COL21A1: variants seen among roughly 807,000 people sequenced by gnomAD.
COL21A1 encodes the protein collagen alpha-1(XXI) chain.
In COL21A1, 149 loss-of-function variants were observed where a neutral mutation model predicts 137.9. The observed-to-expected ratio is 1.08, with a 90% CI of 0.95 to 1.24. COL21A1 has a LOEUF of 1.24. COL21A1 is among the 50% of genes most tolerant of loss of function. The probability of loss-of-function intolerance (pLI) is 0.00; values close to 1 mark genes in which losing one functional copy is unlikely to be tolerated. For missense variants in COL21A1, 1,167 were observed against 1,158.4 expected, an observed-to-expected ratio of 1.01 and a Z score of -0.11; for synonymous variants, 456 against 391.5, an observed-to-expected ratio of 1.16 and a Z score of -1.95.
chr6:56,104,731 G>A (rs911787687), intron 16 of COL21A1, among the ~76,000 whole-genome samples: 5 of 151,868 alleles, frequency 3.3e-5, no homozygotes, highest in Non-Finnish European at 2.9e-5. Flanking sequence ...TACAGCTAAC[G>A]TCAAAAATGA....
At chr6:56,331,051 T>C (rs994223075) in intron 1 of COL21A1, among the ~76,000 whole-genome samples, 1 of 152,128 alleles carries the variant, frequency 6.6e-6, no homozygotes, top group Non-Finnish European at 1.5e-5. Context: ...TGATTAGTCA[T>C]GTGGAGCATT....
chr6:56,064,764 T>A, intron 23 of COL21A1, 142 bp from the exon 24 acceptor site: 2 of 511,486 alleles, frequency 3.9e-6, no homozygotes, highest in Non-Finnish European at 6.8e-6. Context: ...ATGTGAGAGA[T>A]GGGAAAATCA....
intron 1 of COL21A1, among the ~76,000 whole-genome samples, chr6:56,204,122 C>G (rs1779590546): frequency 6.6e-6 from 1 of 151,980 alleles, no homozygotes; most frequent in South Asian, 2.1e-4. Flanking sequence ...ACCTGGAACG[C>G]CAGCGAGACA....
intron 1 of COL21A1, among the ~76,000 whole-genome samples, chr6:56,375,678 T>C (rs1213633297): frequency 7.9e-5 from 12 of 152,206 alleles, no homozygotes; most frequent in Admixed American, 7.9e-4. Flanking sequence ...CATCATTTGT[T>C]CATGCCATCA....
rs368281533 is a variant in COL21A1 at position 56,109,684 on chromosome 6, T to C, written c.1759-8159A>G. 1.3e-3 allele frequency among the ~76,000 whole-genome samples: 192 copies of C among 151,952 alleles called. 4 individuals carry two copies. Among genetic ancestry groups the C allele is most frequent in the African/African-American group, 4.3e-3 (180 of 41,528 alleles). On this transcript the variant is annotated intron_variant, in intron 16 of 29. Coordinates refer to ENST00000244728, the MANE Select transcript of COL21A1 (RefSeq NM_030820.4). ...TTACAAAATAATATCAGGAATGAAA[T>C]AAAGGACATTACTAAAAACCTACAG...
chr6:56,262,941 A>C, intron 1 of COL21A1, among the ~76,000 whole-genome samples: 1 of 152,208 alleles, frequency 6.6e-6, no homozygotes, highest in Non-Finnish European at 1.5e-5. Context: ...AATTTGGTTC[A>C]GGTTCTTGTA....
intron 1 of COL21A1, among the ~76,000 whole-genome samples, chr6:56,327,208 T>A (rs954996060): frequency 1.3e-5 from 2 of 151,906 alleles, no homozygotes; most frequent in Non-Finnish European, 2.9e-5. Flanking sequence ...GAGCTTTAGA[T>A]TTCATGAATT....
chr6:56,126,649 A>G (rs1773071781), intron 12 of COL21A1: 1 of 152,292 alleles, frequency 6.6e-6, no homozygotes, highest in African/African-American at 2.4e-5. Flanking sequence ...CATGAAGGCC[A>G]TAAGTTTTCT....
intron 1 of COL21A1, among the ~76,000 whole-genome samples, chr6:56,289,533 A>T (rs978540675): frequency 6.6e-6 from 1 of 152,204 alleles, no homozygotes; most frequent in Non-Finnish European, 1.5e-5. Flanking sequence ...AACTTTATGT[A>T]GTCTCCAGCA....
intron 9 of COL21A1, among the ~76,000 whole-genome samples, chr6:56,157,731 G>A (rs184955809): frequency 6.6e-6 from 1 of 152,316 alleles, no homozygotes; most frequent in East Asian, 1.9e-4. Flanking sequence ...CAAGTTTAAA[G>A]CTGCATGACT....
chr6:56,283,092 T>C (rs983475116), intron 1 of COL21A1, among the ~76,000 whole-genome samples: 1 of 152,154 alleles, frequency 6.6e-6, no homozygotes, highest in African/African-American at 2.4e-5. Context: ...AAATTTTAAG[T>C]AACTTAGCAA....
At chr6:56,123,389 C>T (rs1772719976) in intron 16 of COL21A1, among the ~76,000 whole-genome samples, 2 of 152,100 alleles carry the variant, frequency 1.3e-5, no homozygotes, top group African/African-American at 2.4e-5. Context: ...AATAATTTTT[C>T]CTTTGGAAAA....
At chr6:56,388,909 A>G (rs1406241273) in intron 1 of COL21A1, among the ~76,000 whole-genome samples, 1 of 152,232 alleles carries the variant, frequency 6.6e-6, no homozygotes, top group African/African-American at 2.4e-5. Context: ...GGAATTCAGA[A>G]TTCTATCAGA....
rs143138573 is a variant in COL21A1 at position 56,121,481 on chromosome 6, T to C, written c.1758+2581A>G. Among the ~76,000 whole-genome samples, 290 of 128,254 alleles carry C rather than the reference T, an allele frequency of 2.3e-3. 1 individual carries two copies. Among genetic ancestry groups the C allele is most frequent in the African/African-American group, 6.9e-3 (244 of 35,546 alleles). The allele number at this position is 128,254 out of a possible 152,430, so 84.1% of individuals were successfully genotyped here. On this transcript the variant is annotated intron_variant, in intron 16 of 29. Transcript: ENST00000244728. Reference sequence around the variant, plus strand: ...TTATTTTGTCATATGTATATATATATACATATACATATATATGTATATTCA... The same window carrying C: ...TTATTTTGTCATATGTATATATATACACATATACATATATATGTATATTCA...
chr6:56,389,029 G>GA (rs1447036789), intron 1 of COL21A1, among the ~76,000 whole-genome samples: 1 of 152,130 alleles, frequency 6.6e-6, no homozygotes, highest in East Asian at 1.9e-4. Context: ...TGATCAAGCA[G>GA]AAAAAATAAC....
intron 1 of COL21A1, among the ~76,000 whole-genome samples, chr6:56,203,044 T>G (rs750900020): frequency 1.3e-5 from 2 of 152,192 alleles, no homozygotes; most frequent in Non-Finnish European, 2.9e-5. Context: ...AATTTCTTAC[T>G]TGTTTTTCTT....
intron 1 of COL21A1, among the ~76,000 whole-genome samples, chr6:56,282,942 T>C (rs1249179723): frequency 6.6e-6 from 1 of 152,236 alleles, no homozygotes; most frequent in Non-Finnish European, 1.5e-5. Context: ...TAAGTTTTAA[T>C]GGCCTTCTCA....
chr6:56,284,126 C>T (rs1293683970), intron 1 of COL21A1, among the ~76,000 whole-genome samples: 1 of 152,192 alleles, frequency 6.6e-6, no homozygotes, highest in Non-Finnish European at 1.5e-5. Context: ...CAGTTCGTTG[C>T]AACCTCCACC....
chr6:56,211,758 T>C (rs1181556502), intron 1 of COL21A1, among the ~76,000 whole-genome samples: 11 of 152,070 alleles, frequency 7.2e-5, no homozygotes, highest in Non-Finnish European at 1.5e-4. Context: ...AAATTCAAAC[T>C]ACTTATTTTT....
Sources: gnomAD v4.1 joint callset for allele counts (sites outside exome capture counted in the v4.1 genomes callset) on GRCh38, gnomAD v4.1.1 for gene constraint, MANE v1.5 for transcripts, NCBI Gene and HGNC (gene_info 2026-07-23, HGNC 2026-07-21) for gene names.